Variants in ASTN2 observed in about 807,000 individuals in gnomAD.
The protein encoded by ASTN2 is astrotactin 2, also known as astrotactin-2.
ASTN2 carries 54 observed loss-of-function variants against 139.8 expected under a neutral mutation model. The ratio of observed to expected loss-of-function variants is 0.39; its 90% CI spans 0.31 to 0.48. The LOEUF (loss-of-function observed/expected upper bound fraction) is 0.48, where lower values mean the gene tolerates loss of function less well. Ranked by LOEUF, ASTN2 falls within the 20% of genes least tolerant of loss-of-function variation. The pLI, the probability that ASTN2 is intolerant of heterozygous loss-of-function variation, is 0.95. For synonymous variants in ASTN2, 756 were observed against 719.5 expected, an observed-to-expected ratio of 1.05 and a Z score of -0.81; for missense variants, 1,565 against 1,725.1, an observed-to-expected ratio of 0.91 and a Z score of 1.64.
At chr9:116,916,573 G>A (rs2132428734) in intron 10 of ASTN2, among the ~76,000 whole-genome samples, 1 of 152,294 alleles carries the variant, frequency 6.6e-6, no homozygotes, top group East Asian at 1.9e-4. Flanking sequence ...TGGGCCAGGT[G>A]TGGTGGCTCA....
At chr9:116,990,161 A>G (rs1215195666) in intron 7 of ASTN2, among the ~76,000 whole-genome samples, 1 of 152,212 alleles carries the variant, frequency 6.6e-6, no homozygotes, top group African/African-American at 2.4e-5. Flanking sequence ...TTAAGGTTCA[A>G]TATGAAGATG....
intron 3 of ASTN2, among the ~76,000 whole-genome samples, chr9:117,176,171 A>G (rs1232002669): frequency 1.3e-5 from 2 of 152,188 alleles, no homozygotes; most frequent in African/African-American, 2.4e-5. Flanking sequence ...ATAATTTCAT[A>G]TCTTACAGAA....
intron 3 of ASTN2, among the ~76,000 whole-genome samples, chr9:117,197,859 T>G (rs1308866985): frequency 6.6e-6 from 1 of 152,168 alleles, no homozygotes; most frequent in Non-Finnish European, 1.5e-5. Flanking sequence ...GATTGGTAAT[T>G]TTTTTCCTAT....
chr9:117,346,113 C>T (rs892936754), intron 1 of ASTN2, among the ~76,000 whole-genome samples: 59 of 151,714 alleles, frequency 3.9e-4, no homozygotes, highest in Admixed American at 3.8e-3. Context: ...AGAATTTTTC[C>T]AAAGCTACCT....
rs779865763 is a variant in ASTN2, at chr9:116,975,264, G to C, written c.1833C>G (p.Asn611Lys). 2.5e-6 allele frequency: 4 copies of C among 1,613,448 alleles called. No homozygotes were observed. Among genetic ancestry groups the C allele is most frequent in the Non-Finnish European group, 3.4e-6 (4 of 1,179,676 alleles). The change falls in exon 10 of 23, where the codon AAC (asparagine) becomes AAG (lysine). Residue 611 changes from asparagine (N) to lysine (K), a missense_variant. Coordinates refer to ENST00000313400, the MANE Select transcript of ASTN2 (RefSeq NM_001365068.1). ...CATCGGTCTTGCAGCTGGCCAGGGGGTTGATGGACAGCTCCACAGGCGGAA... is the reference window on the plus strand; with the variant it reads ...CATCGGTCTTGCAGCTGGCCAGGGGCTTGATGGACAGCTCCACAGGCGGAA... ...FVVPPVELSI[N>K]PLASCKTDVL...
chr9:116,640,082 A>G (rs1382569805), intron 17 of ASTN2, among the ~76,000 whole-genome samples: 1 of 152,188 alleles, frequency 6.6e-6, no homozygotes, highest in Non-Finnish European at 1.5e-5. Flanking sequence ...TTAATATAAG[A>G]AAGGATGTTC....
At chr9:117,029,447 C>A (rs1838185892) in intron 6 of ASTN2, among the ~76,000 whole-genome samples, 1 of 152,122 alleles carries the variant, frequency 6.6e-6, no homozygotes, top group South Asian at 2.1e-4. Flanking sequence ...CCTTAAGACA[C>A]CTTCTTCCCA....
chr9:116,812,631 G>C (rs544820997), intron 12 of ASTN2, among the ~76,000 whole-genome samples: 6 of 152,126 alleles, frequency 3.9e-5, no homozygotes, highest in Non-Finnish European at 7.4e-5. Context: ...AGAAGCAATA[G>C]GAAATGTGAG....
chr9:116,495,959 A>G (rs990976640), intron 19 of ASTN2, among the ~76,000 whole-genome samples: 3 of 151,654 alleles, frequency 2.0e-5, no homozygotes, highest in African/African-American at 7.3e-5. Flanking sequence ...TGCCAAACAT[A>G]CTCCCACCAC....
At position 116,440,698 on chromosome 9, in the gene ASTN2, C is replaced by G. The variant is rs112786865; in HGVS notation, c.3693G>C (p.Ser1231=). 6.2e-7 allele frequency: 1 copy of G among 1,614,016 alleles called. No individual in the cohort carries two copies. Among genetic ancestry groups the G allele is most frequent in the Admixed American group, 1.7e-5 (1 of 60,004 alleles). ...AYNTLMEVSA[S]MLFRVQHHYN... is the part of the protein sequence containing the mutation. ...AGTGGTGCTGGACTCGGAACAGCAT[C>G]GAGGCTGAGACCTCCATCAGTGTGT... The change falls in exon 22 of 23, where the codon TCG becomes TCC. Residue 1231 remains serine (S), a synonymous_variant. Transcript: ENST00000313400.
intron 2 of ASTN2, among the ~76,000 whole-genome samples, chr9:117,215,554 A>C (rs1023631089): frequency 2.0e-5 from 3 of 151,672 alleles, no homozygotes; most frequent in African/African-American, 7.3e-5. Context: ...ATTATCCTAC[A>C]TTAATTTGAA....
At chr9:116,967,398 G>T (rs1463908151) in intron 10 of ASTN2, among the ~76,000 whole-genome samples, 1 of 152,150 alleles carries the variant, frequency 6.6e-6, no homozygotes, top group Non-Finnish European at 1.5e-5. Flanking sequence ...TTTCAAGCAG[G>T]TAAGTGGGTT....
chr9:116,813,210 G>C (rs527435961), intron 12 of ASTN2, among the ~76,000 whole-genome samples: 1 of 152,156 alleles, frequency 6.6e-6, no homozygotes, highest in South Asian at 2.1e-4. Flanking sequence ...GATACATACC[G>C]GGCATTTTAG....
chr9:116,646,714 G>A (rs141661817), intron 17 of ASTN2, among the ~76,000 whole-genome samples: 94 of 152,282 alleles, frequency 6.2e-4, no homozygotes, highest in African/African-American at 2.1e-3. Flanking sequence ...GAGACTTGGA[G>A]GAAGCCGCCT....
chr9:117,200,651 T>G (rs1831678709), intron 3 of ASTN2, among the ~76,000 whole-genome samples: 1 of 152,218 alleles, frequency 6.6e-6, no homozygotes. Flanking sequence ...TCTGTTTATG[T>G]AATAGATTAC....
chr9:116,791,003 GAAAGAAAGAAAGAA>G (rs1830531508), intron 13 of ASTN2, among the ~76,000 whole-genome samples: 1 of 121,712 alleles, frequency 8.2e-6, no homozygotes, highest in Non-Finnish European at 1.7e-5. Context: ...AAGAAAGAAA[GAAAGAAAGAAAGAA>G]AGAAAGAAAG....
chr9:116,988,832 G>C (rs1164252386), intron 7 of ASTN2, among the ~76,000 whole-genome samples: 1 of 152,082 alleles, frequency 6.6e-6, no homozygotes, highest in East Asian at 1.9e-4. Flanking sequence ...CCACTTCATG[G>C]GATCCTGGAG....
chr9:116,609,249 A>C (rs1855380287), intron 19 of ASTN2, among the ~76,000 whole-genome samples: 1 of 151,282 alleles, frequency 6.6e-6, no homozygotes. Flanking sequence ...AACACAAGAA[A>C]TAAATGGCTA....
At chr9:116,513,552 G>C (rs1850500282) in intron 19 of ASTN2, among the ~76,000 whole-genome samples, 1 of 152,124 alleles carries the variant, frequency 6.6e-6, no homozygotes, top group Non-Finnish European at 1.5e-5. Flanking sequence ...GGCCTGCCTT[G>C]CTAGGTTGGG....
Sources: allele counts gnomAD v4.1 joint callset (sites outside exome capture counted in the v4.1 genomes callset), GRCh38; gene constraint gnomAD v4.1.1; transcripts MANE v1.5; gene names NCBI Gene and HGNC (gene_info 2026-07-23, HGNC 2026-07-21).